The following ANAPC5 variants were observed in gnomAD, a reference collection of about 807,000 sequenced individuals.
ANAPC5 encodes anaphase-promoting complex subunit 5.
ANAPC5 carries 60 observed loss-of-function variants against 91.3 expected under a neutral mutation model. That is an observed-to-expected ratio of 0.66 (90% CI 0.53 to 0.81). The LOEUF (loss-of-function observed/expected upper bound fraction) is 0.81, where lower values mean the gene tolerates loss of function less well. Among genes scored for constraint, ANAPC5 ranks in the 40% least tolerant of loss-of-function variants. The pLI, the probability that ANAPC5 is intolerant of heterozygous loss-of-function variation, is 0.00. For missense variants in ANAPC5, 690 were observed against 931.5 expected (o/e 0.74, Z 3.37); for synonymous variants, 340 against 364.1 (o/e 0.93, Z 0.75).
At chr12:121,340,297 C>T (rs1333668634) in intron 5 of ANAPC5, among the ~76,000 whole-genome samples, 11 of 108,982 alleles carry the variant, frequency 1.0e-4, no homozygotes, top group Non-Finnish European at 1.9e-5. Context: ...GCCTGGGCAA[C>T]AAAAGCAAAA....
upstream of ANAPC5, among the ~76,000 whole-genome samples, chr12:121,353,435 C>CTTTTGTTTTGTTTTG (rs61516038): frequency 0.068 from 10,278 of 150,902 alleles, 486 homozygotes; most frequent in Middle Eastern, 0.11. Flanking sequence ...TGCCTTGTGC[C>CTTTTGTTTTGTTTTG]TTTTGTTTTG....
intron 16 of ANAPC5, 128 bp downstream of exon 16, chr12:121,309,573 A>G: frequency 1.8e-6 from 2 of 1,110,948 alleles, no homozygotes; most frequent in Non-Finnish European, 2.5e-6. Context: ...ATGAAATTTT[A>G]ATATATATTT....
chr12:121,340,451 G>A (rs951059468), intron 5 of ANAPC5, among the ~76,000 whole-genome samples: 7 of 152,030 alleles, frequency 4.6e-5, no homozygotes, highest in African/African-American at 1.7e-4. Context: ...GAAGGATCCA[G>A]CTGTACTTTT....
intron 9 of ANAPC5, among the ~76,000 whole-genome samples, chr12:121,330,352 T>G (rs1287669657): frequency 1.1e-4 from 17 of 152,230 alleles, no homozygotes; most frequent in African/African-American, 4.1e-4. Flanking sequence ...CTTATCAAAT[T>G]GGTAAAGGGA....
At chr12:121,343,836 C>T (rs928946978) in intron 4 of ANAPC5, among the ~76,000 whole-genome samples, 3 of 152,168 alleles carry the variant, frequency 2.0e-5, no homozygotes, top group Non-Finnish European at 4.4e-5. Context: ...GCAGGTGGGG[C>T]TTAATTCTCT....
chr12:121,339,868 GTTTTTTTT>G (rs71079054), intron 5 of ANAPC5, among the ~76,000 whole-genome samples: 10 of 104,554 alleles, frequency 9.6e-5, no homozygotes, highest in African/African-American at 2.9e-4. Flanking sequence ...TTTTCTTCCA[GTTTTTTTT>G]TTTTTTTTTT....
Position 121,335,726 on chromosome 12 carries a change from A to G in ANAPC5, c.760-3T>C. The G allele has an allele frequency of 2.5e-6, 4 of 1,600,362 alleles. No individual in the cohort carries two copies. The Middle Eastern group carries it at 6.7e-4, about 267-fold the overall frequency. On this transcript the variant is annotated splice_polypyrimidine_tract_variant and splice_region_variant and intron_variant, in intron 6 of 16. Coordinates refer to ENST00000261819, the MANE Select transcript of ANAPC5 (RefSeq NM_016237.5). ...TTGTTTAAGTAGCTGAGATAATGCT[A>G]AAACAAGAAATAATCAATGTATTTT...
intron 11 of ANAPC5, among the ~76,000 whole-genome samples, chr12:121,325,954 G>A (rs1240870595): frequency 6.6e-6 from 1 of 152,234 alleles, no homozygotes; most frequent in Non-Finnish European, 1.5e-5. Flanking sequence ...GAAGAGAAGT[G>A]ATGTTAAGGA....
rs1159897251 is a variant in ANAPC5 at position 121,344,483 on chromosome 12, T to C, written c.590+1356A>G. On this transcript the variant is annotated intron_variant, in intron 4 of 16. Coordinates refer to ENST00000261819, the MANE Select transcript of ANAPC5 (RefSeq NM_016237.5). Reference sequence around the variant, plus strand: ...TAATCCCAGCTACTTGGTTGGGAGGTGGAGGCAGGAGAATCACTTGAACCC... The same window carrying C: ...TAATCCCAGCTACTTGGTTGGGAGGCGGAGGCAGGAGAATCACTTGAACCC... Among the ~76,000 whole-genome samples the C allele has an allele frequency of 7.5e-5, 11 of 147,238 alleles. No individual in the cohort carries two copies. In the Admixed American group the frequency reaches 7.6e-4, roughly 10 times the overall value.
chr12:121,327,962 C>T (rs1424594189), intron 10 of ANAPC5: 6 of 197,784 alleles, frequency 3.0e-5, no homozygotes, highest in African/African-American at 1.2e-4. Flanking sequence ...CAGAGGAGCC[C>T]GGTGCTTGGA....
rs538229221 is a variant in ANAPC5, at chr12:121,338,457, C to T, written c.658-1065G>A. Among the ~76,000 whole-genome samples, 26 of 151,952 alleles carry T rather than the reference C, an allele frequency of 1.7e-4. No homozygotes were observed. In the South Asian group the frequency reaches 2.7e-3, roughly 16 times the overall value. On this transcript the variant is annotated intron_variant, in intron 5 of 16. Coordinates refer to ENST00000261819, the MANE Select transcript of ANAPC5 (RefSeq NM_016237.5). ...ACAAAACATTAGCCGGGTGTGGTGG[C>T]GCACACCTGTAATCCTAGCTACTCG...
chr12:121,321,763 C>T (rs762738459), intron 11 of ANAPC5, among the ~76,000 whole-genome samples: 7 of 151,934 alleles, frequency 4.6e-5, no homozygotes, highest in Non-Finnish European at 1.0e-4. Context: ...GTCTCAAACT[C>T]CTGGCCTCAA....
At chr12:121,323,674 G>C (rs1410794521) in intron 11 of ANAPC5, among the ~76,000 whole-genome samples, 5 of 152,264 alleles carry the variant, frequency 3.3e-5, no homozygotes, top group Admixed American at 1.3e-4. Flanking sequence ...CTTTCAATTT[G>C]TCTCAATCCT....
chr12:121,313,556 G>T (rs1902250065), intron 15 of ANAPC5, among the ~76,000 whole-genome samples: 2 of 152,132 alleles, frequency 1.3e-5, no homozygotes, highest in Non-Finnish European at 2.9e-5. Flanking sequence ...CGAAGTCAGG[G>T]ATGACACTGG....
At chr12:121,348,671 A>T (rs916680546) in intron 1 of ANAPC5, among the ~76,000 whole-genome samples, 1 of 152,166 alleles carries the variant, frequency 6.6e-6, no homozygotes, top group South Asian at 2.1e-4. Flanking sequence ...TCTCCAATAA[A>T]AAAAAAAGAG....
chr12:121,352,462 C>A, upstream of ANAPC5: 1 of 795,004 alleles, frequency 1.3e-6, no homozygotes, highest in Non-Finnish European at 2.0e-6. Context: ...CAGACATCCG[C>A]GTGCTCGCGG....
At position 121,345,749 on chromosome 12, in the gene ANAPC5, G is replaced by T. The variant is rs1251503994; in HGVS notation, c.590+90C>A. ...GGAAGGGTAAAAAGGGCATAAGCCA[G>T]CACGTGAATTCTAAATGAACAAGGA... On this transcript the variant is annotated intron_variant, in intron 4 of 16. Transcript: ENST00000261819. The T allele has an allele frequency of 6.1e-5, 81 of 1,319,594 alleles. 1 individual carries two copies. Among genetic ancestry groups the T allele is most frequent in the Non-Finnish European group, 5.1e-5 (48 of 940,796 alleles). 81.7% of individuals were successfully genotyped at this position (1,319,594 alleles called of 1,614,324 possible).
chr12:121,330,865 A>AT (rs1555272832), intron 8 of ANAPC5, 193 bp from the exon 9 acceptor site: 2 of 518,620 alleles, frequency 3.9e-6, no homozygotes, highest in Non-Finnish European at 3.4e-6. Flanking sequence ...GCTGAAATAA[A>AT]TGAGTCATTG....
At chr12:121,325,163 C>CA (rs1308371936) in intron 11 of ANAPC5, among the ~76,000 whole-genome samples, 1 of 151,788 alleles carries the variant, frequency 6.6e-6, no homozygotes, top group East Asian at 1.9e-4. Context: ...GACCCTGTCT[C>CA]AAAAAAAATT....
Sources: gnomAD v4.1 joint callset for allele counts (sites outside exome capture counted in the v4.1 genomes callset) on GRCh38, gnomAD v4.1.1 for gene constraint, MANE v1.5 for transcripts, NCBI Gene and HGNC (gene_info 2026-07-23, HGNC 2026-07-21) for gene names.